The following IRS1 variants were observed in gnomAD, a reference collection of about 807,000 sequenced individuals.
The protein encoded by IRS1 is insulin receptor substrate 1.
Under a neutral mutation model 65.6 loss-of-function variants are expected in IRS1, and 34 were observed. The observed-to-expected ratio is 0.52, with a 90% confidence interval of 0.39 to 0.69. The LOEUF (loss-of-function observed/expected upper bound fraction) is 0.69, where lower values mean the gene tolerates loss of function less well. Ranked by LOEUF, IRS1 falls within the 30% of genes least tolerant of loss-of-function variation. The pLI is 0.00. For synonymous variants in IRS1, 699 were observed against 683.5 expected (o/e 1.02, Z -0.35); for missense variants, 1,641 against 1,720.2 (o/e 0.95, Z 0.81).
At chr2:226,791,973 G>T (rs911239596) in intron 1 of IRS1, among the ~76,000 whole-genome samples, 1 of 152,166 alleles carries the variant, frequency 6.6e-6, no homozygotes, top group Admixed American at 6.5e-5. Flanking sequence ...AGGTGACCCG[G>T]AAAAGGGAAA....
intron 1 of IRS1, among the ~76,000 whole-genome samples, chr2:226,791,881 C>T (rs1939617372): frequency 6.6e-6 from 1 of 152,098 alleles, no homozygotes; most frequent in Non-Finnish European, 1.5e-5. Context: ...GGCGGGAGAC[C>T]CGAGGGCGGT....
chr2:226,760,248 A>G (rs1204213053), intron 1 of IRS1, among the ~76,000 whole-genome samples: 3 of 152,260 alleles, frequency 2.0e-5, no homozygotes, highest in Non-Finnish European at 4.4e-5. Context: ...TGCACAAATT[A>G]AATTTTTTTC....
chr2:226,794,465 G>A lies in IRS1; in HGVS notation c.*21+524C>T, dbSNP rs1003216378. Among the ~76,000 whole-genome samples, 13 of 152,134 alleles carry A rather than the reference G, an allele frequency of 8.5e-5. No homozygotes were observed. The highest frequency in any genetic ancestry group is 3.1e-4 in the African/African-American group (13 of 41,408). ...GGATGAATAGAAATCAATGCTTCCC[G>A]CTGCTGTTTATGTTGCCCTAGTATT... On this transcript the variant is annotated intron_variant, in intron 1 of 1. Transcript: ENST00000305123. This position sits in a 1 kb window ranked among gnomAD's most constrained non-coding sequence, Gnocchi z 4.1.
rs35909627 is a variant in IRS1, at chr2:226,796,060, C to T, written c.2679G>A (p.Pro893=). The T allele has an allele frequency of 7.4e-5, 119 of 1,614,004 alleles. No individual in the cohort carries two copies. The highest frequency in any genetic ancestry group is 4.9e-4 in the Middle Eastern group (3 of 6,062). ...CAAATTCAATATTGACATATTCCCCCGGGCTCTTGGGCTCTGGAGGGTGCA... is the reference window on the plus strand; with the variant it reads ...CAAATTCAATATTGACATATTCCCCTGGGCTCTTGGGCTCTGGAGGGTGCA... ...PLLHPPEPKS[P]GEYVNIEFGS... The change falls in exon 1 of 2, where the codon CCG becomes CCA. Residue 893 remains proline, a synonymous_variant. Coordinates refer to ENST00000305123, the MANE Select transcript of IRS1 (RefSeq NM_005544.3).
chr2:226,752,748 T>C (rs1938709384), intron 1 of IRS1, among the ~76,000 whole-genome samples: 1 of 152,194 alleles, frequency 6.6e-6, no homozygotes, highest in South Asian at 2.1e-4. Flanking sequence ...ATGTAGTATG[T>C]AACCTTTAAA....
chr2:226,795,345 T>TGCTACC lies in IRS1; in HGVS notation c.3388_3393dup (p.Gly1130_Ser1131dup). On this transcript the variant is annotated inframe_insertion, in exon 1 of 2. Coordinates refer to ENST00000305123, the MANE Select transcript of IRS1 (RefSeq NM_005544.3). ...CGTTTCACATCCTCGCTGCTGCTGC[T>TGCTACC]GCTACCGCCACCGCCCCCTACTGCT... 6.2e-7 allele frequency: 1 copy of TGCTACC among 1,613,292 alleles called. No individual in the cohort carries two copies. The highest frequency in any genetic ancestry group is 8.5e-7 in the Non-Finnish European group (1 of 1,179,986).
chr2:226,799,712 G>A lies in IRS1; in HGVS notation c.-974C>T. 1.0e-6 allele frequency: 1 copy of A among 999,874 alleles called. No homozygotes were observed. The highest frequency in any genetic ancestry group is 1.2e-6 in the Non-Finnish European group (1 of 830,102). 61.9% of individuals were successfully genotyped at this position (999,874 alleles called of 1,614,324 possible). A position where few individuals can be genotyped will look rare whatever the true frequency, so the allele number is the denominator to read the frequency against. ...TTGCCGAGAGCCCCAACCAAAACAA[G>A]CGGCGGCGTCTGGCTCTGCGCGCCG... On this transcript the variant is annotated 5_prime_UTR_variant, in exon 1 of 2. Transcript: ENST00000305123. This position sits in a 1 kb window ranked among gnomAD's most constrained non-coding sequence, Gnocchi z 6.1.
chr2:226,787,969 ATCATGACTT>A lies in IRS1; in HGVS notation c.*21+7011_*21+7019del, dbSNP rs562651049. 2.6e-5 allele frequency among the ~76,000 whole-genome samples: 4 copies of A among 152,238 alleles called. No homozygotes were observed. The East Asian group carries it at 7.7e-4, about 29-fold the overall frequency. On this transcript the variant is annotated intron_variant, in intron 1 of 1. Coordinates refer to ENST00000305123, the MANE Select transcript of IRS1 (RefSeq NM_005544.3). ...GATCATATCCTTCCTAAAAGTAAAA[ATCATGACTT>A]TCTGTGCAAAACATAATTTGTTTGC...
intron 1 of IRS1, among the ~76,000 whole-genome samples, chr2:226,744,593 C>T (rs1319881700): frequency 6.6e-6 from 1 of 152,208 alleles, no homozygotes; most frequent in Non-Finnish European, 1.5e-5. Flanking sequence ...CTGAACTCGG[C>T]TTCCTGTCAG....
At chr2:226,767,180 T>C (rs1389063772) in intron 1 of IRS1, among the ~76,000 whole-genome samples, 1 of 152,206 alleles carries the variant, frequency 6.6e-6, no homozygotes, top group Admixed American at 6.5e-5. Context: ...AGGATTAAAA[T>C]GAACTAATAC....
In IRS1 at chr2:226,798,211, T is replaced by G. The variant is rs1939790253; in HGVS notation, c.528A>C (p.Thr176=). The stretch of plus-strand genomic sequence containing the variant: ...GGCGGTAGATACCAATCAGGTTCTT[T>G]GTCTGACCCAGGCCCTTGGGCTTCA... ...VILKPKGLGQ[T]KNLIGIYRLC... is the part of the protein sequence containing the mutation. Residue 176 remains threonine (T), a synonymous_variant, in exon 1 of 2, where the codon ACA becomes ACC. Transcript: ENST00000305123. The surrounding 1 kb of genome is among the most constrained non-coding windows in gnomAD (Gnocchi z 9.4). 1 of 1,613,790 alleles carries G rather than the reference T, an allele frequency of 6.2e-7. No homozygotes were observed. The highest frequency in any genetic ancestry group is 1.3e-5 in the African/African-American group (1 of 74,920).
intron 1 of IRS1, among the ~76,000 whole-genome samples, chr2:226,741,457 C>T (rs1938434474): frequency 6.6e-6 from 1 of 152,096 alleles, no homozygotes; most frequent in Non-Finnish European, 1.5e-5. Flanking sequence ...GCCAGGAGAA[C>T]AGAAGGATTC....
intron 1 of IRS1, among the ~76,000 whole-genome samples, chr2:226,741,735 C>T (rs1160447463): frequency 1.3e-5 from 2 of 150,518 alleles, no homozygotes; most frequent in African/African-American, 4.9e-5. Flanking sequence ...TAATAAAGCA[C>T]CTTACAACAC....
intron 1 of IRS1, among the ~76,000 whole-genome samples, chr2:226,769,892 T>C (rs907389413): frequency 1.3e-5 from 2 of 152,164 alleles, no homozygotes; most frequent in Non-Finnish European, 1.5e-5. Flanking sequence ...TACTGCCATA[T>C]AAAGTATGGC....
chr2:226,745,828 C>T (rs536413414), intron 1 of IRS1, among the ~76,000 whole-genome samples: 2 of 152,262 alleles, frequency 1.3e-5, no homozygotes, highest in East Asian at 1.9e-4. Flanking sequence ...ATCCACCAAC[C>T]AAATGCCAGG....
chr2:226,768,113 ACT>A (rs1939091955), intron 1 of IRS1, among the ~76,000 whole-genome samples: 1 of 151,896 alleles, frequency 6.6e-6, no homozygotes, highest in Non-Finnish European at 1.5e-5. Context: ...CTACTGGGAC[ACT>A]CTTCACCAGC....
chr2:226,748,185 T>A lies in IRS1; in HGVS notation c.*22-11935A>T, dbSNP rs112256015. On this transcript the variant is annotated intron_variant, in intron 1 of 1. Transcript: ENST00000305123. ...GCTCACACCTGTAATACCAGCACTT[T>A]GAGAGGCCAAGGAGGGCAGATCACA... 1.6e-3 allele frequency among the ~76,000 whole-genome samples: 248 copies of A among 151,072 alleles called. 1 individual carries two copies. Among genetic ancestry groups the A allele is most frequent in the African/African-American group, 5.3e-3 (217 of 41,152 alleles).
chr2:226,735,709 GAAC>G lies in IRS1; in HGVS notation c.*560_*562del, dbSNP rs1228052812. The G allele has an allele frequency of 6.6e-6, 1 of 152,488 alleles. No homozygotes were observed. The highest frequency in any genetic ancestry group is 2.4e-5 in the African/African-American group (1 of 41,398). The allele number at this position is 152,488 out of a possible 1,614,324, so 9.4% of individuals were successfully genotyped here. On this transcript the variant is annotated 3_prime_UTR_variant, in exon 2 of 2. Transcript: ENST00000305123. Reference sequence around the variant, plus strand: ...AGCATTTGCTCCACTCTTTACAACAGAACATTGTATACCTCCATCCCACATCCA... The same window carrying G: ...AGCATTTGCTCCACTCTTTACAACAGATTGTATACCTCCATCCCACATCCA...
chr2:226,742,277 C>T (rs1938454182), intron 1 of IRS1, among the ~76,000 whole-genome samples: 1 of 152,194 alleles, frequency 6.6e-6, no homozygotes, highest in Admixed American at 6.5e-5. Context: ...TAATCACACA[C>T]ATCAAGTGAA....
Sources: allele counts gnomAD v4.1 joint callset (sites outside exome capture counted in the v4.1 genomes callset), GRCh38; gene constraint gnomAD v4.1.1; non-coding constraint Gnocchi (gnomAD v3.1); transcripts MANE v1.5; gene names NCBI Gene and HGNC (gene_info 2026-07-23, HGNC 2026-07-21).